TNR: variants seen among roughly 807,000 people sequenced by gnomAD.
The protein encoded by TNR is tenascin R, also known as tenascin-R.
In TNR, 45 loss-of-function variants were observed where a neutral mutation model predicts 150.4. The ratio of observed to expected loss-of-function variants is 0.30; its 90% CI spans 0.24 to 0.38. TNR has a LOEUF of 0.38. Ranked by LOEUF, TNR falls within the 10% of genes least tolerant of loss-of-function variation. The pLI is 1.00. For missense variants in TNR, 1,544 were observed against 1,759.1 expected, an observed-to-expected ratio of 0.88 and a Z score of 2.19; for synonymous variants, 687 against 678.4, an observed-to-expected ratio of 1.01 and a Z score of -0.20.
At chr1:175,513,390 GTTC>G (rs1412210165) in intron 2 of TNR, among the ~76,000 whole-genome samples, 13 of 152,132 alleles carry the variant, frequency 8.5e-5, no homozygotes, top group Admixed American at 3.9e-4. Context: ...TGTAGTCTAG[GTTC>G]TTCTTCTTCC....
intron 1 of TNR, among the ~76,000 whole-genome samples, chr1:175,534,272 G>A (rs866589778): frequency 3.9e-5 from 6 of 152,208 alleles, no homozygotes; most frequent in East Asian, 1.9e-4. Flanking sequence ...TTCACATGGG[G>A]TGGACCCTCC....
intron 2 of TNR, among the ~76,000 whole-genome samples, chr1:175,423,073 C>A (rs1282295970): frequency 1.3e-5 from 2 of 152,090 alleles, no homozygotes; most frequent in Admixed American, 1.3e-4. Context: ...GTGACTGCTC[C>A]AAGTTTCAAT....
At chr1:175,539,965 T>C (rs1458289171) in intron 1 of TNR, among the ~76,000 whole-genome samples, 2 of 151,850 alleles carry the variant, frequency 1.3e-5, no homozygotes, top group Non-Finnish European at 2.9e-5. Flanking sequence ...AGAGGAGAAA[T>C]TGTAAGACCA....
rs1199076743 is a variant in TNR at position 175,516,008 on chromosome 1, T to C, written c.-64+12261A>G. ...TCCAAAAGAATTTGTGGACTAAGAA[T>C]GGATGGATGTGAGGACTGTTTAATA... On this transcript the variant is annotated intron_variant, in intron 2 of 22. Transcript: ENST00000367674. Among the ~76,000 whole-genome samples, 8 of 152,218 alleles carry C rather than the reference T, an allele frequency of 5.3e-5. No individual in the cohort carries two copies. In the East Asian group the frequency reaches 1.3e-3, roughly 26 times the overall value.
chr1:175,396,413 C>T (rs1653426771), intron 5 of TNR, 131 bp downstream of exon 5: 1 of 1,195,370 alleles, frequency 8.4e-7, no homozygotes, highest in African/African-American at 1.5e-5. Context: ...ACATCTCTAG[C>T]CCTTCCCCTC....
chr1:175,393,720 A>G (rs1387154344), intron 6 of TNR, 60 bp downstream of exon 6: 1 of 1,400,810 alleles, frequency 7.1e-7, no homozygotes, highest in East Asian at 2.3e-5. Flanking sequence ...CCCTGATTCC[A>G]AGCTAAAGGT....
intron 1 of TNR, among the ~76,000 whole-genome samples, chr1:175,585,934 C>G (rs1662545240): frequency 6.6e-6 from 1 of 152,212 alleles, no homozygotes; most frequent in Non-Finnish European, 1.5e-5. Flanking sequence ...GCTCCAGCAG[C>G]TAGGATGCCC....
At chr1:175,630,694 C>T (rs1664298555) in intron 1 of TNR, among the ~76,000 whole-genome samples, 1 of 152,154 alleles carries the variant, frequency 6.6e-6, no homozygotes, top group Non-Finnish European at 1.5e-5. Flanking sequence ...CAGTATTTAG[C>T]TTCACTGTTA....
At chr1:175,686,211 G>A (rs1175054665) in intron 1 of TNR, among the ~76,000 whole-genome samples, 1 of 152,178 alleles carries the variant, frequency 6.6e-6, no homozygotes, top group African/African-American at 2.4e-5. Flanking sequence ...CCAGTTTCTT[G>A]TAATCCCTGG....
rs1393531381 is a variant in TNR at position 175,735,625 on chromosome 1, T to A, written c.-165+7601A>T. On this transcript the variant is annotated intron_variant, in intron 1 of 22. Coordinates refer to ENST00000367674, the MANE Select transcript of TNR (RefSeq NM_003285.3). ...TCTATATAAACTCAAGCCTTTGAAA[T>A]TGCACAATGTCAAAAAATTCAAACA... 2.0e-5 allele frequency among the ~76,000 whole-genome samples: 3 copies of A among 152,172 alleles called. No homozygotes were observed. In the South Asian group the frequency reaches 6.2e-4, roughly 32 times the overall value.
At chr1:175,701,218 A>G (rs1666686439) in intron 1 of TNR, among the ~76,000 whole-genome samples, 1 of 151,776 alleles carries the variant, frequency 6.6e-6, no homozygotes, top group Non-Finnish European at 1.5e-5. Flanking sequence ...CCTTCCCTAG[A>G]CGTACTCCCT....
In TNR at chr1:175,409,771, T is replaced by C. The variant is rs570604931; in HGVS notation, c.-63-2994A>G. On this transcript the variant is annotated intron_variant, in intron 2 of 22. Transcript: ENST00000367674. ...GACTCAGGGGGTACATTTATTCATT[T>C]ATCATTCATTCATTTGACAGATATT... is the stretch of plus-strand genomic sequence containing the variant. Among the ~76,000 whole-genome samples the C allele has an allele frequency of 1.7e-3, 261 of 150,686 alleles. 3 individuals carry two copies. The highest frequency in any genetic ancestry group is 6.1e-3 in the African/African-American group (251 of 41,264).
rs147407344 is a variant in TNR, at chr1:175,547,676, G to A, written c.-164-19307C>T. ...GGAAGAAGAAAGAAAGAAAGAAAGA[G>A]AGAGAGAAAGAAAGAAAAAAGAAAG... On this transcript the variant is annotated intron_variant, in intron 1 of 22. Transcript: ENST00000367674. Among the ~76,000 whole-genome samples, 553 of 151,008 alleles carry A rather than the reference G, an allele frequency of 3.7e-3. 5 individuals carry two copies. Among genetic ancestry groups the A allele is most frequent in the African/African-American group, 0.012 (496 of 40,766 alleles).
In TNR at chr1:175,362,677, G is replaced by C. The variant is rs778676263; in HGVS notation, c.2840C>G (p.Thr947Ser). The change falls in exon 14 of 23, where the codon ACT (threonine) becomes AGT (serine). Residue 947 changes from threonine (T) to serine (S), a missense_variant. Thr to Ser is a moderately conservative substitution (Grantham distance 58). This residue lies in a region of TNR where 1,254 missense variants were observed against 1,329.4 expected (regional missense o/e 0.94). Coordinates refer to ENST00000367674, the MANE Select transcript of TNR (RefSeq NM_003285.3). ...GACATTCCCACCTGTGTGCACAAGA[G>C]TACAGATGCGCTCGCTTTCCTCCCT... ...RGREESERIC[T>S]LVHTAMDNPV... 12 of 1,613,966 alleles carry C rather than the reference G, an allele frequency of 7.4e-6. No individual in the cohort carries two copies. The South Asian group carries it at 1.3e-4, about 18-fold the overall frequency.
At chr1:175,627,404 A>G (rs1664187334) in intron 1 of TNR, among the ~76,000 whole-genome samples, 1 of 152,222 alleles carries the variant, frequency 6.6e-6, no homozygotes, top group East Asian at 1.9e-4. Context: ...ACATCAAAAC[A>G]GAACAGTGGA....
At position 175,335,819 on chromosome 1, in the gene TNR, AT is replaced by A. The variant is rs765524698; in HGVS notation, c.3535-13del. 1 of 1,601,746 alleles carries A rather than the reference AT, an allele frequency of 6.2e-7. No homozygotes were observed. The highest frequency in any genetic ancestry group is 1.1e-5 in the South Asian group (1 of 87,870). ...CGCCTCTGGAATACCTATGAAGGAA[AT>A]AAAAAAACAAAAAACAAACAAACAA... is the stretch of plus-strand genomic sequence containing the variant. On this transcript the variant is annotated splice_polypyrimidine_tract_variant and intron_variant, in intron 19 of 22. Transcript: ENST00000367674.
chr1:175,600,078 T>C (rs1417923916), intron 1 of TNR, among the ~76,000 whole-genome samples: 1 of 152,246 alleles, frequency 6.6e-6, no homozygotes, highest in Non-Finnish European at 1.5e-5. Flanking sequence ...ACTCTGGAAC[T>C]GGACTCGGGG....
In TNR at chr1:175,714,995, A is replaced by T. The variant is rs570111673; in HGVS notation, c.-165+28231T>A. On this transcript the variant is annotated intron_variant, in intron 1 of 22. Coordinates refer to ENST00000367674, the MANE Select transcript of TNR (RefSeq NM_003285.3). ...AAAGCCAACCCTTCTACTCTCTCCC[A>T]GGCTCTTGACTCAGTCAACTGCCTC... 1.6e-4 allele frequency among the ~76,000 whole-genome samples: 24 copies of T among 152,306 alleles called. No homozygotes were observed. In the South Asian group the frequency reaches 4.4e-3, roughly 28 times the overall value.
At chr1:175,582,986 C>G (rs938158808) in intron 1 of TNR, among the ~76,000 whole-genome samples, 5 of 152,088 alleles carry the variant, frequency 3.3e-5, no homozygotes, top group South Asian at 2.1e-4. Context: ...CCCCAACCCC[C>G]GAGATGCCAG....
Sources: allele counts gnomAD v4.1 joint callset (sites outside exome capture counted in the v4.1 genomes callset), GRCh38; gene constraint gnomAD v4.1.1; regional missense constraint gnomAD v4.1.1; transcripts MANE v1.5; gene names NCBI Gene and HGNC (gene_info 2026-07-23, HGNC 2026-07-21).